TRIOBP: variants seen among roughly 807,000 people sequenced by gnomAD.
The protein encoded by TRIOBP is TRIO and F-actin-binding protein.
TRIOBP carries 169 observed loss-of-function variants against 238.8 expected under a neutral mutation model. The ratio of observed to expected loss-of-function variants is 0.71; its 90% CI spans 0.62 to 0.80. TRIOBP has a LOEUF of 0.80. TRIOBP is among the 30% of genes least tolerant of loss of function. The probability of loss-of-function intolerance (pLI) is 0.00; values close to 1 mark genes in which losing one functional copy is unlikely to be tolerated. For missense variants in TRIOBP, 2,838 were observed against 3,122.6 expected (o/e 0.91, Z 2.17); for synonymous variants, 1,150 against 1,274.4 (o/e 0.90, Z 2.08).
intron 9 of TRIOBP, among the ~76,000 whole-genome samples, chr22:37,736,626 A>T (rs553151103): frequency 1.6e-4 from 24 of 151,756 alleles, no homozygotes; most frequent in African/African-American, 5.1e-4. Flanking sequence ...TTTTATTTTT[A>T]TTTATTTATT....
At chr22:37,740,860 G>A in intron 10 of TRIOBP, 35 bp from the exon 11 acceptor site, 1 of 1,558,722 alleles carries the variant, frequency 6.4e-7, no homozygotes, top group Non-Finnish European at 8.7e-7. Flanking sequence ...TCCTGCCAAA[G>A]GGACCTGGGG....
intron 17 of TRIOBP, among the ~76,000 whole-genome samples, chr22:37,763,288 A>G (rs1256472968): frequency 6.6e-6 from 1 of 152,200 alleles, no homozygotes; most frequent in Admixed American, 6.5e-5. Context: ...ACTGAAGCTC[A>G]GAGGGGGCGA....
intron 3 of TRIOBP, among the ~76,000 whole-genome samples, chr22:37,709,317 C>T (rs183212487): frequency 2.0e-5 from 3 of 152,350 alleles, no homozygotes; most frequent in East Asian, 1.9e-4. Context: ...TTGCCCCTCC[C>T]GGCTCTCAGG....
chr22:37,698,945 C>T (rs2145807417), intron 2 of TRIOBP, among the ~76,000 whole-genome samples: 1 of 152,158 alleles, frequency 6.6e-6, no homozygotes, highest in Non-Finnish European at 1.5e-5. Context: ...GTCAGGAGTT[C>T]ACCTGGCCAA....
chr22:37,724,991 A>G lies in TRIOBP; in HGVS notation c.2435A>G (p.Gln812Arg). 1 of 1,613,896 alleles carries G rather than the reference A, an allele frequency of 6.2e-7. No individual in the cohort carries two copies. The highest frequency in any genetic ancestry group is 2.2e-5 in the East Asian group (1 of 44,888). Residue 812 changes from glutamine to arginine, a missense_variant, in exon 7 of 24, where the codon CAG (glutamine) becomes CGG (arginine). Physicochemically the swap from Gln to Arg is conservative, Grantham distance 43 (BLOSUM62 1). This residue lies in a region of TRIOBP where 2,096 missense variants were observed against 2,137.4 expected (regional missense o/e 0.98). Transcript: ENST00000644935. ...TCCTCTCCCATCAGAGCCACCCAAC[A>G]GGACAACCCCAGAACTTGTATTCAA... ...RASSPIRATQ[Q>R]DNPRTCIQQN...
At chr22:37,741,406 C>A (rs1036122088) in intron 11 of TRIOBP, among the ~76,000 whole-genome samples, 4 of 152,196 alleles carry the variant, frequency 2.6e-5, no homozygotes, top group African/African-American at 7.2e-5. Flanking sequence ...GTGTCTCAGA[C>A]CTGGGCCTGA....
At chr22:37,741,168 A>G in intron 11 of TRIOBP, 136 bp downstream of exon 11, 4 of 1,214,900 alleles carry the variant, frequency 3.3e-6, no homozygotes, top group Non-Finnish European at 4.6e-6. Flanking sequence ...ATGACAGGAG[A>G]GGTGGGAGCA....
In TRIOBP at chr22:37,734,997, G is replaced by A. The variant is rs372361710; in HGVS notation, c.4661G>A (p.Arg1554Gln). 2.4e-5 allele frequency: 39 copies of A among 1,613,140 alleles called. No individual in the cohort carries two copies. The East Asian group carries it at 5.1e-4, about 21-fold the overall frequency. The change falls in exon 9 of 24, where the codon CGA becomes CAA. Residue 1554 changes from arginine (R) to glutamine (Q), a missense_variant. Transcript: ENST00000644935. The part of the protein sequence containing the change: ...ACPYPRGSER[R>Q]PELDWRDLLG... ...CCATACCCGCGTGGCTCTGAGAGGC[G>A]ACCCGAGCTTGACTGGAGGGATCTG...
intron 4 of TRIOBP, 100 bp from the exon 5 acceptor site, chr22:37,713,110 G>A: frequency 9.1e-7 from 1 of 1,101,052 alleles, no homozygotes; most frequent in Non-Finnish European, 1.3e-6. Context: ...ACACCAGCGT[G>A]TGGGCCCCAG....
intron 11 of TRIOBP, among the ~76,000 whole-genome samples, chr22:37,743,376 T>G (rs1925036342): frequency 6.6e-6 from 1 of 152,232 alleles, no homozygotes; most frequent in Admixed American, 6.5e-5. Context: ...TGAGACTGGA[T>G]AACCTCGAAG....
At chr22:37,755,462 A>G (rs1925868205) in intron 14 of TRIOBP, 88 bp from the exon 15 acceptor site, 2 of 1,238,714 alleles carry the variant, frequency 1.6e-6, no homozygotes, top group South Asian at 1.2e-5. Flanking sequence ...CATCCTGGGA[A>G]GGAAGGGCCA....
At chr22:37,708,114 C>T (rs1429743433) in intron 3 of TRIOBP, among the ~76,000 whole-genome samples, 2 of 151,020 alleles carry the variant, frequency 1.3e-5, no homozygotes, top group South Asian at 2.1e-4. Context: ...GGCATGGTGG[C>T]GGGCGTCCAT....
rs748774726 is a variant in TRIOBP at position 37,734,387 on chromosome 22, C to G, written c.4063-12C>G. On this transcript the variant is annotated splice_polypyrimidine_tract_variant and intron_variant, in intron 8 of 23. Transcript: ENST00000644935. The stretch of plus-strand genomic sequence containing the variant: ...AGAGAGAGCCTCACCTACCCCCTCA[C>G]CTCATCCCCAGGTGACCATGCTCCC... 7.4e-6 allele frequency: 12 copies of G among 1,612,268 alleles called. No individual in the cohort carries two copies. In the South Asian group the frequency reaches 9.9e-5, roughly 13 times the overall value.
At chr22:37,761,068 A>G (rs1926220405) in intron 17 of TRIOBP, among the ~76,000 whole-genome samples, 1 of 151,768 alleles carries the variant, frequency 6.6e-6, no homozygotes, top group African/African-American at 2.4e-5. Context: ...TCACGTCATG[A>G]GGGGGCTCTC....
chr22:37,747,399 T>TGC (rs1364470282), intron 11 of TRIOBP, among the ~76,000 whole-genome samples: 1 of 150,102 alleles, frequency 6.7e-6, no homozygotes, highest in Non-Finnish European at 1.5e-5. Context: ...GGTGTGTGTG[T>TGC]GCACAGGCGG....
chr22:37,768,600 C>T (rs368639856), intron 19 of TRIOBP, among the ~76,000 whole-genome samples: 6 of 152,108 alleles, frequency 3.9e-5, no homozygotes, highest in African/African-American at 7.2e-5. Context: ...ATCAGGAGTT[C>T]GAGACTAGCC....
At position 37,769,259 on chromosome 22, in the gene TRIOBP, C is replaced by T. The variant is rs1214113439; in HGVS notation, c.6736-3C>T. The T allele has an allele frequency of 6.2e-7, 1 of 1,609,626 alleles. No homozygotes were observed. Among genetic ancestry groups the T allele is most frequent in the Non-Finnish European group, 8.5e-7 (1 of 1,178,574 alleles). On this transcript the variant is annotated splice_region_variant and splice_polypyrimidine_tract_variant and intron_variant, in intron 20 of 23. Coordinates refer to ENST00000644935, the MANE Select transcript of TRIOBP (RefSeq NM_001039141.3). ...CCTCCCCTGACCACCGTGCCTCTCCCAGGAGCTGCATGGCCGCCTGTCAGA... is the reference window on the plus strand; with the variant it reads ...CCTCCCCTGACCACCGTGCCTCTCCTAGGAGCTGCATGGCCGCCTGTCAGA...
chr22:37,718,969 C>T (rs1267090446), intron 6 of TRIOBP, among the ~76,000 whole-genome samples: 1 of 149,678 alleles, frequency 6.7e-6, no homozygotes, highest in Non-Finnish European at 1.5e-5. Flanking sequence ...GCCTCAGTCT[C>T]CTGAGTAGCT....
At chr22:37,718,189 C>T (rs560178308) in intron 6 of TRIOBP, among the ~76,000 whole-genome samples, 1 of 152,234 alleles carries the variant, frequency 6.6e-6, no homozygotes, top group African/African-American at 2.4e-5. Flanking sequence ...CCACAAGCGC[C>T]GCGCGCAGCC....
Sources: allele counts gnomAD v4.1 joint callset (sites outside exome capture counted in the v4.1 genomes callset), GRCh38; gene constraint gnomAD v4.1.1; regional missense constraint gnomAD v4.1.1; transcripts MANE v1.5; gene names NCBI Gene and HGNC (gene_info 2026-07-23, HGNC 2026-07-21).